The following TMEM201 variants were observed in gnomAD, a reference collection of about 807,000 sequenced individuals.
TMEM201 encodes transmembrane protein 201.
TMEM201 carries 26 observed loss-of-function variants against 63.4 expected under a neutral mutation model. The observed-to-expected ratio is 0.41, with a 90% confidence interval of 0.30 to 0.57. TMEM201 has a LOEUF of 0.57. Ranked by LOEUF, TMEM201 falls within the 20% of genes least tolerant of loss-of-function variation. The pLI, the probability that TMEM201 is intolerant of heterozygous loss-of-function variation, is 0.29. For synonymous variants in TMEM201, 417 were observed against 421.6 expected, an observed-to-expected ratio of 0.99 and a Z score of 0.14; for missense variants, 794 against 917.7, an observed-to-expected ratio of 0.87 and a Z score of 1.74.
Position 9,610,496 on chromosome 1 carries a change from C to G in TMEM201, c.1466-10C>G. 6.6e-7 allele frequency: 1 copy of G among 1,510,166 alleles called. No homozygotes were observed. The highest frequency in any genetic ancestry group is 8.9e-7 in the Non-Finnish European group (1 of 1,123,204). The allele number at this position is 1,510,166 out of a possible 1,614,324, so 93.5% of individuals were successfully genotyped here. ...GCCCACGTTCACATCATCTTCCTCC[C>G]TCCCTCCAGATTACTTCTCTCTTCT... On this transcript the variant is annotated splice_polypyrimidine_tract_variant and intron_variant, in intron 8 of 10. Transcript: ENST00000340381. The surrounding 1 kb of genome is among the most constrained non-coding windows in gnomAD (Gnocchi z 4.9).
intron 9 of TMEM201, chr1:9,611,056 C>G (rs1209915881): frequency 2.6e-6 from 4 of 1,520,540 alleles, no homozygotes; most frequent in Non-Finnish European, 3.5e-6. Context: ...TGATCGAAAA[C>G]ACATCACGCA....
intron 9 of TMEM201, chr1:9,611,074 G>T: frequency 6.6e-7 from 1 of 1,507,808 alleles, no homozygotes; most frequent in Middle Eastern, 1.7e-4. Context: ...GCATTGCCAG[G>T]TGCGTGTGGC....
Position 9,597,014 on chromosome 1 carries a change from C to T in TMEM201, c.390C>T (p.Thr130=), listed in dbSNP as rs1343473515. 2 of 1,610,794 alleles carry T rather than the reference C, an allele frequency of 1.2e-6. No homozygotes were observed. Among genetic ancestry groups the T allele is most frequent in the South Asian group, 2.2e-5 (2 of 91,018 alleles). ...LCKRCNHHQT[T]KIKQLAAFAP... is the part of the protein sequence containing the mutation. ...AGAGGTGCAACCACCACCAGACCAC[C>T]AAGATCAAGCAGCTGGCCGCCTTCG... is the stretch of plus-strand genomic sequence containing the variant. The change falls in exon 3 of 11, where the codon ACC becomes ACT. Residue 130 remains threonine, a synonymous_variant. Transcript: ENST00000340381.
chr1:9,597,567 C>G (rs997250467), intron 3 of TMEM201, among the ~76,000 whole-genome samples: 1 of 152,186 alleles, frequency 6.6e-6, no homozygotes, highest in Admixed American at 6.5e-5. Context: ...CTGGGCTGAG[C>G]TGGGAGCCTC....
chr1:9,589,857 G>A (rs993923249), intron 1 of TMEM201, among the ~76,000 whole-genome samples: 1 of 152,256 alleles, frequency 6.6e-6, no homozygotes, highest in Non-Finnish European at 1.5e-5. Context: ...AAGAGTGGAT[G>A]GGTTTGCAGC....
At position 9,602,258 on chromosome 1, in the gene TMEM201, G is replaced by A. The variant is rs1401089141; in HGVS notation, c.1146G>A (p.Arg382=). 1.9e-6 allele frequency: 3 copies of A among 1,611,520 alleles called. No individual in the cohort carries two copies. Among genetic ancestry groups the A allele is most frequent in the Non-Finnish European group, 2.5e-6 (3 of 1,179,832 alleles). The change falls in exon 6 of 11, where the codon AGG becomes AGA. Residue 382 remains arginine, a synonymous_variant. Transcript: ENST00000340381. ...CAAGGAAGGCAACGGGCCCACGGAG[G>A]TTCCGGCCCCGAAGGTCAGAGAAGC... ...VATRKATGPR[R]FRPRRFFPGD...
At chr1:9,589,664 G>A (rs1039785967) in intron 1 of TMEM201, among the ~76,000 whole-genome samples, 1 of 152,252 alleles carries the variant, frequency 6.6e-6, no homozygotes, top group Non-Finnish European at 1.5e-5. Context: ...CTCCCTGCCC[G>A]GCTCACGGGC....
chr1:9,597,615 C>T (rs553691089), intron 3 of TMEM201, among the ~76,000 whole-genome samples: 13 of 152,286 alleles, frequency 8.5e-5, no homozygotes, highest in Middle Eastern at 3.4e-3. Context: ...AAGAGCCTTG[C>T]TTACTGGCTG....
chr1:9,604,629 T>C lies in TMEM201; in HGVS notation c.1160+2357T>C. 1.0e-6 allele frequency: 1 copy of C among 985,646 alleles called. No individual in the cohort carries two copies. The highest frequency in any genetic ancestry group is 1.2e-6 in the Non-Finnish European group (1 of 829,938). 61.1% of individuals were successfully genotyped at this position (985,646 alleles called of 1,614,324 possible). On this transcript the variant is annotated intron_variant, in intron 6 of 10. Coordinates refer to ENST00000340381, the MANE Select transcript of TMEM201 (RefSeq NM_001130924.3). This position sits in a 1 kb window ranked among gnomAD's most constrained non-coding sequence, Gnocchi z 4.1. The stretch of plus-strand genomic sequence containing the variant: ...CATCCTAGGTATGGGTGACCGTCCC[T>C]GAGACATAAGCGAGGTAGATTCAGC...
At chr1:9,591,488 G>A (rs577342171) in intron 1 of TMEM201, among the ~76,000 whole-genome samples, 39 of 152,364 alleles carry the variant, frequency 2.6e-4, no homozygotes, top group African/African-American at 8.7e-4. Flanking sequence ...CTGTGTCCAG[G>A]CCGTCGTGAA....
chr1:9,611,223 A>T, intron 9 of TMEM201: 1 of 455,568 alleles, frequency 2.2e-6, no homozygotes, highest in South Asian at 2.1e-5. Context: ...TTCGAGATGC[A>T]GTCTCACTCT....
intron 1 of TMEM201, among the ~76,000 whole-genome samples, chr1:9,590,319 A>G (rs1433508037): frequency 2.0e-5 from 3 of 152,216 alleles, no homozygotes; most frequent in Non-Finnish European, 4.4e-5. Context: ...TCACATTCCC[A>G]GAGCATGTTG....
In TMEM201 at chr1:9,589,055, G is replaced by T; in HGVS notation, c.113+12G>T. ...CGGATCGCGCGGAGGTGAGTGCATG[G>T]TTCGGCCCCACGCGGCCCTCTGCGC... is the stretch of plus-strand genomic sequence containing the variant. On this transcript the variant is annotated intron_variant, in intron 1 of 10. Transcript: ENST00000340381. 1.9e-6 allele frequency: 2 copies of T among 1,053,864 alleles called. No homozygotes were observed. The highest frequency in any genetic ancestry group is 2.3e-6 in the Non-Finnish European group (2 of 870,500). 65.3% of individuals were successfully genotyped at this position (1,053,864 alleles called of 1,614,324 possible).
Position 9,610,921 on chromosome 1 carries a change from C to T in TMEM201, c.1765+116C>T. The T allele has an allele frequency of 1.3e-6, 2 of 1,491,678 alleles. No homozygotes were observed. Among genetic ancestry groups the T allele is most frequent in the African/African-American group, 1.4e-5 (1 of 69,832 alleles). The allele number at this position is 1,491,678 out of a possible 1,614,324, so 92.4% of individuals were successfully genotyped here. On this transcript the variant is annotated intron_variant, in intron 9 of 10. Coordinates refer to ENST00000340381, the MANE Select transcript of TMEM201 (RefSeq NM_001130924.3). The surrounding 1 kb of genome is among the most constrained non-coding windows in gnomAD (Gnocchi z 4.9). ...TCTGACTCCGGTGTGCGCCTTCCCA[C>T]CCTGGAGCTCTAGGCACCCCATTCC...
Position 9,613,152 on chromosome 1 carries a change from C to A in TMEM201, c.*69C>A. 1 of 1,482,104 alleles carries A rather than the reference C, an allele frequency of 6.7e-7. No homozygotes were observed. Among genetic ancestry groups the A allele is most frequent in the Non-Finnish European group, 9.1e-7 (1 of 1,093,506 alleles). The allele number at this position is 1,482,104 out of a possible 1,614,324, so 91.8% of individuals were successfully genotyped here. On this transcript the variant is annotated 3_prime_UTR_variant, in exon 11 of 11. Coordinates refer to ENST00000340381, the MANE Select transcript of TMEM201 (RefSeq NM_001130924.3). The stretch of plus-strand genomic sequence containing the variant: ...TGCTTCACCACTGCCGGCCTCAGGA[C>A]CCTCCCTGGAGGGGCTGCCACCTCT...
Position 9,607,488 on chromosome 1 carries a change from C to A in TMEM201, c.1161-69C>A. ...TGCACTGTGGGAGAGGGGTGGGACC[C>A]ACTGCAAGGCTGCCTCCAGGACCTC... On this transcript the variant is annotated intron_variant, in intron 6 of 10. Coordinates refer to ENST00000340381, the MANE Select transcript of TMEM201 (RefSeq NM_001130924.3). This position sits in a 1 kb window ranked among gnomAD's most constrained non-coding sequence, Gnocchi z 5.4. 7.9e-7 allele frequency: 1 copy of A among 1,262,068 alleles called. No homozygotes were observed. The highest frequency in any genetic ancestry group is 1.1e-6 in the Non-Finnish European group (1 of 909,614). 78.2% of individuals were successfully genotyped at this position (1,262,068 alleles called of 1,614,324 possible).
intron 6 of TMEM201, among the ~76,000 whole-genome samples, chr1:9,606,867 C>T (rs1452610770): frequency 1.3e-5 from 2 of 152,146 alleles, no homozygotes; most frequent in Non-Finnish European, 2.9e-5. Context: ...CTTCTAAGTT[C>T]GGTTTTGGCG....
chr1:9,612,223 G>A (rs1644334059), intron 10 of TMEM201, among the ~76,000 whole-genome samples: 1 of 152,248 alleles, frequency 6.6e-6, no homozygotes, highest in South Asian at 2.1e-4. Flanking sequence ...GTAGGCACCT[G>A]TGGCCCGTGG....
chr1:9,610,691 C>A lies in TMEM201; in HGVS notation c.1651C>A (p.Pro551Thr). 1 of 1,550,568 alleles carries A rather than the reference C, an allele frequency of 6.4e-7. No individual in the cohort carries two copies. Among genetic ancestry groups the A allele is most frequent in the Non-Finnish European group, 8.7e-7 (1 of 1,146,898 alleles). ...GTTCCCGTCACCCCCTGGAGAGGCC[C>A]CCACCACGCCCAGCAGCTCCGATGA... ...LLFPSPPGEAPTTPSSSDEHS... is the reference protein window; with the variant it reads ...LLFPSPPGEATTTPSSSDEHS... The change falls in exon 9 of 11, where the codon CCC becomes ACC. Residue 551 changes from proline (P) to threonine (T), a missense_variant. By Grantham distance (38) the Pro-to-Thr change is conservative (BLOSUM62 -1). Coordinates refer to ENST00000340381, the MANE Select transcript of TMEM201 (RefSeq NM_001130924.3). This position sits in a 1 kb window ranked among gnomAD's most constrained non-coding sequence, Gnocchi z 4.9.
Sources: allele counts gnomAD v4.1 joint callset (sites outside exome capture counted in the v4.1 genomes callset), GRCh38; gene constraint gnomAD v4.1.1; non-coding constraint Gnocchi (gnomAD v3.1); transcripts MANE v1.5; gene names NCBI Gene and HGNC (gene_info 2026-07-23, HGNC 2026-07-21).